Variants in ANK2 observed in about 807,000 individuals in gnomAD.
The protein encoded by ANK2 is ankyrin-2.
Under a neutral mutation model 360.5 loss-of-function variants are expected in ANK2, and 83 were observed. The observed-to-expected ratio is 0.23, with a 90% CI of 0.19 to 0.28. ANK2 has a LOEUF of 0.28. ANK2 is among the 10% of genes least tolerant of loss of function. The pLI is 1.00. For missense variants in ANK2, 4,201 were observed against 4,795.7 expected (o/e 0.88, Z 3.66); for synonymous variants, 1,740 against 1,759.5 (o/e 0.99, Z 0.28).
intron 10 of ANK2, among the ~76,000 whole-genome samples, chr4:113,251,059 A>G (rs1454446844): frequency 6.6e-6 from 1 of 152,144 alleles, no homozygotes; most frequent in East Asian, 1.9e-4. Context: ...AAATGCAACA[A>G]TTTGGGCTGG....
At chr4:113,192,388 A>G (rs746884576) in intron 2 of ANK2, among the ~76,000 whole-genome samples, 8 of 152,120 alleles carry the variant, frequency 5.3e-5, no homozygotes, top group Admixed American at 1.3e-4. Flanking sequence ...GTTTCACCAA[A>G]ACCCCTCAAA....
chr4:113,216,633 C>A (rs1255042838), intron 4 of ANK2, among the ~76,000 whole-genome samples: 1 of 152,190 alleles, frequency 6.6e-6, no homozygotes, highest in Non-Finnish European at 1.5e-5. Flanking sequence ...ACACATCTAA[C>A]AGATCATCCT....
At chr4:112,956,185 T>C (rs2095321807) in intron 2 of ANK2, among the ~76,000 whole-genome samples, 1 of 152,198 alleles carries the variant, frequency 6.6e-6, no homozygotes, top group Non-Finnish European at 1.5e-5. Context: ...TACCTACAAA[T>C]TTAATGTCTT....
chr4:113,055,219 C>G (rs185929889), intron 1 of ANK2, among the ~76,000 whole-genome samples: 3 of 151,966 alleles, frequency 2.0e-5, no homozygotes, highest in East Asian at 3.9e-4. Flanking sequence ...ATAGCAAGAC[C>G]CTGTATCTAA....
At chr4:112,998,042 A>T (rs1054079371) in intron 2 of ANK2, among the ~76,000 whole-genome samples, 1 of 151,960 alleles carries the variant, frequency 6.6e-6, no homozygotes, top group Non-Finnish European at 1.5e-5. Flanking sequence ...GTCCTAAATG[A>T]GATGGTCTTA....
Position 113,367,585 on chromosome 4 carries a change from G to A in ANK2, c.11052G>A (p.Glu3684=), listed in dbSNP as rs1467978421. 1.2e-6 allele frequency: 2 copies of A among 1,613,712 alleles called. No homozygotes were observed. Among genetic ancestry groups the A allele is most frequent in the Non-Finnish European group, 1.7e-6 (2 of 1,179,938 alleles). The change falls in exon 42 of 46, where the codon GAG becomes GAA. Residue 3684 remains glutamate (E), a synonymous_variant. Transcript: ENST00000357077. ...CTTTAGGGTTCTCGGTACTTCAAGAGGAGTTATGCACTGCACAGCACAAGC... is the reference window on the plus strand; with the variant it reads ...CTTTAGGGTTCTCGGTACTTCAAGAAGAGTTATGCACTGCACAGCACAAGC... The part of the protein sequence containing the change: ...DHSEGFSVLQ[E]ELCTAQHKQK...
intron 2 of ANK2, among the ~76,000 whole-genome samples, chr4:113,043,628 T>C (rs1406412902): frequency 1.3e-5 from 2 of 152,138 alleles, no homozygotes; most frequent in Non-Finnish European, 2.9e-5. Context: ...TTTGTTATCT[T>C]TATATTCCAT....
Position 113,354,779 on chromosome 4 carries a change from A to G in ANK2, c.6161A>G (p.Gln2054Arg), listed in dbSNP as rs774629377. The change falls in exon 38 of 46, where the codon CAG becomes CGG. Residue 2054 changes from glutamine (Q) to arginine (R), a missense_variant. Gln to Arg is a conservative substitution (Grantham distance 43). Coordinates refer to ENST00000357077, the MANE Select transcript of ANK2 (RefSeq NM_001148.6). ...KTENQTIKRG[Q>R]RLPVTGTAES... Reference sequence around the variant, plus strand: ...GAGAATCAGACAATCAAACGAGGCCAGAGACTCCCGGTAACGGGCACAGCA... The same window carrying G: ...GAGAATCAGACAATCAAACGAGGCCGGAGACTCCCGGTAACGGGCACAGCA... 8 of 1,614,112 alleles carry G rather than the reference A, an allele frequency of 5.0e-6. No individual in the cohort carries two copies. The highest frequency in any genetic ancestry group is 6.8e-6 in the Non-Finnish European group (8 of 1,180,002).
chr4:113,091,424 T>A (rs1255846340), intron 1 of ANK2, among the ~76,000 whole-genome samples: 1 of 152,246 alleles, frequency 6.6e-6, no homozygotes, highest in African/African-American at 2.4e-5. Flanking sequence ...ATATTTGATC[T>A]GTATTTTTGT....
intron 1 of ANK2, among the ~76,000 whole-genome samples, chr4:113,068,154 T>C (rs1451333491): frequency 6.6e-6 from 1 of 152,200 alleles, no homozygotes; most frequent in Non-Finnish European, 1.5e-5. Context: ...TAGCCACATC[T>C]TTGCAACAAT....
At chr4:112,954,841 C>A (rs1267882650) in intron 2 of ANK2, among the ~76,000 whole-genome samples, 1 of 151,964 alleles carries the variant, frequency 6.6e-6, no homozygotes, top group Non-Finnish European at 1.5e-5. Context: ...TGGAATAATA[C>A]TTTTGGAAAA....
chr4:113,343,275 T>C lies in ANK2; in HGVS notation c.4248+133T>C. 3.1e-6 allele frequency: 3 copies of C among 978,530 alleles called. No homozygotes were observed. The South Asian group carries it at 4.8e-5, about 16-fold the overall frequency. 60.6% of individuals were successfully genotyped at this position (978,530 alleles called of 1,614,324 possible). A position where few individuals can be genotyped will look rare whatever the true frequency, so the allele number is the denominator to read the frequency against. Reference sequence around the variant, plus strand: ...CTTTTTAACCATATTTGTAACGTTTTACAGCCCTGGGAAACAAATCATTTT... The same window carrying C: ...CTTTTTAACCATATTTGTAACGTTTCACAGCCCTGGGAAACAAATCATTTT... On this transcript the variant is annotated intron_variant, in intron 34 of 45. Transcript: ENST00000357077.
chr4:113,263,843 G>C (rs868745911), intron 13 of ANK2, among the ~76,000 whole-genome samples: 3 of 152,210 alleles, frequency 2.0e-5, no homozygotes, highest in African/African-American at 7.2e-5. Flanking sequence ...GCCTTCTTTA[G>C]AACTATATAT....
chr4:112,719,690 A>G, the ANK2 span, among the ~76,000 whole-genome samples: 1 of 150,642 alleles, frequency 6.6e-6, no homozygotes, highest in Non-Finnish European at 1.5e-5. Flanking sequence ...ATCGCCGATT[A>G]CACTCCAGCC....
intron 26 of ANK2, among the ~76,000 whole-genome samples, chr4:113,319,690 T>C (rs2084937232): frequency 6.6e-6 from 1 of 152,072 alleles, no homozygotes; most frequent in Admixed American, 6.5e-5. Context: ...CCTAATACTT[T>C]TTTCCTTGTT....
At chr4:112,934,889 T>C (rs182356142) in intron 2 of ANK2, among the ~76,000 whole-genome samples, 158 of 152,290 alleles carry the variant, frequency 1.0e-3, no homozygotes, top group African/African-American at 3.6e-3. Context: ...ATGTTCTTTA[T>C]ATAGGATAGA....
At chr4:113,278,392 C>A in intron 16 of ANK2, 68 bp from the exon 17 acceptor site, 2 of 1,314,318 alleles carry the variant, frequency 1.5e-6, no homozygotes, top group Non-Finnish European at 2.2e-6. Context: ...AGTTTCCAGG[C>A]ATCCTGGTAG....
At position 113,364,334 on chromosome 4, in the gene ANK2, T is replaced by C. The variant is rs115214433; in HGVS notation, c.10889-705T>C. ...CAGAACATTGTTTTCTAAGAATCTA[T>C]CAATGATGTTGAGTGAGAACTTAGT... is the stretch of plus-strand genomic sequence containing the variant. On this transcript the variant is annotated intron_variant, in intron 40 of 45. Coordinates refer to ENST00000357077, the MANE Select transcript of ANK2 (RefSeq NM_001148.6). 7.1e-3 allele frequency among the ~76,000 whole-genome samples: 1,081 copies of C among 152,346 alleles called. 8 individuals carry two copies. The highest frequency in any genetic ancestry group is 1.0e-2 in the Non-Finnish European group (678 of 68,028).
chr4:112,958,605 C>G (rs187710445), intron 2 of ANK2, among the ~76,000 whole-genome samples: 1 of 150,700 alleles, frequency 6.6e-6, no homozygotes, highest in Non-Finnish European at 1.5e-5. Context: ...AGAGGGAGAC[C>G]GTGGGGAGAG....
Sources: gnomAD v4.1 joint callset for allele counts (sites outside exome capture counted in the v4.1 genomes callset) on GRCh38, gnomAD v4.1.1 for gene constraint, MANE v1.5 for transcripts, NCBI Gene and HGNC (gene_info 2026-07-23, HGNC 2026-07-21) for gene names.